The following SH3PXD2A variants were observed in gnomAD, a reference collection of about 807,000 sequenced individuals.
SH3PXD2A encodes SH3 and PX domains 2A, also known as SH3 and PX domain-containing protein 2A.
In SH3PXD2A, 32 loss-of-function variants were observed where a neutral mutation model predicts 115.2. The observed-to-expected ratio is 0.28, with a 90% CI of 0.21 to 0.37. The LOEUF (loss-of-function observed/expected upper bound fraction) is 0.37. Ranked by LOEUF, SH3PXD2A falls within the 10% of genes least tolerant of loss-of-function variation. SH3PXD2A has a pLI of 1.00. For missense variants in SH3PXD2A, 1,328 were observed against 1,498.7 expected, an observed-to-expected ratio of 0.89 and a Z score of 1.88; for synonymous variants, 610 against 629.1, an observed-to-expected ratio of 0.97 and a Z score of 0.45.
intron 1 of SH3PXD2A, among the ~76,000 whole-genome samples, chr10:103,850,055 C>T (rs1324803278): frequency 6.6e-6 from 1 of 152,206 alleles, no homozygotes; most frequent in East Asian, 1.9e-4. Flanking sequence ...CAGGGAACTG[C>T]TGTGCAAACC....
rs756260957 is a variant in SH3PXD2A, at chr10:103,595,556, C to A, written c.*6260G>T. 1.3e-5 allele frequency: 2 copies of A among 152,310 alleles called. No homozygotes were observed. The highest frequency in any genetic ancestry group is 2.9e-5 in the Non-Finnish European group (2 of 68,086). The allele number at this position is 152,310 out of a possible 1,614,324, so 9.4% of individuals were successfully genotyped here. On this transcript the variant is annotated 3_prime_UTR_variant, in exon 15 of 15. Transcript: ENST00000369774. ...AGCCATCCTTTTGTTCTAAATAATTCTTCCTCCCTCCCTCCCTTTTTTCTC... is the reference window on the plus strand; with the variant it reads ...AGCCATCCTTTTGTTCTAAATAATTATTCCTCCCTCCCTCCCTTTTTTCTC...
Position 103,668,668 on chromosome 10 carries a change from G to T in SH3PXD2A, c.428-16C>A. On this transcript the variant is annotated splice_polypyrimidine_tract_variant and intron_variant, in intron 6 of 14. Transcript: ENST00000369774. ...GACAGCCACACTTCCGAGTCCCCGA[G>T]AGCAAGCGGCAGCAGGAGAGGAGAA... The T allele has an allele frequency of 6.4e-7, 1 of 1,555,452 alleles. No individual in the cohort carries two copies. The highest frequency in any genetic ancestry group is 1.2e-5 in the South Asian group (1 of 84,208).
rs1564896496 is a variant in SH3PXD2A, at chr10:103,816,835, T to C, written c.73-15473A>G. Among the ~76,000 whole-genome samples, 8 of 152,228 alleles carry C rather than the reference T, an allele frequency of 5.3e-5. No homozygotes were observed. In the South Asian group the frequency reaches 1.7e-3, roughly 32 times the overall value. ...AATAAAATGTGACTTATCTATACAA[T>C]AGAATATTATTCTTTTTTTTGAGAC... is the stretch of plus-strand genomic sequence containing the variant. On this transcript the variant is annotated intron_variant, in intron 1 of 14. Coordinates refer to ENST00000369774, the MANE Select transcript of SH3PXD2A (RefSeq NM_001394015.1).
intron 11 of SH3PXD2A, among the ~76,000 whole-genome samples, chr10:103,613,562 TAAG>T: frequency 6.6e-6 from 1 of 152,284 alleles, no homozygotes; most frequent in Non-Finnish European, 1.5e-5. Context: ...ATTAGAGAGA[TAAG>T]AAGAAGGTGT....
At chr10:103,606,196 A>ATCT in intron 13 of SH3PXD2A, among the ~76,000 whole-genome samples, 1 of 150,722 alleles carries the variant, frequency 6.6e-6, no homozygotes, top group South Asian at 2.1e-4. Context: ...CATCATCATC[A>ATCT]TCATCATCAT....
chr10:103,716,891 G>C (rs1180473223), intron 5 of SH3PXD2A, among the ~76,000 whole-genome samples: 1 of 152,240 alleles, frequency 6.6e-6, no homozygotes, highest in East Asian at 1.9e-4. Flanking sequence ...ACGTGTGTAT[G>C]TATGTGGAGG....
chr10:103,661,582 A>G, intron 7 of SH3PXD2A: 1 of 883,492 alleles, frequency 1.1e-6, no homozygotes, highest in Non-Finnish European at 1.4e-6. Context: ...CTGAGGCCAG[A>G]GGCAAAGGAA....
chr10:103,626,870 C>A lies in SH3PXD2A; in HGVS notation c.718+219G>T, dbSNP rs536319259. Among the ~76,000 whole-genome samples the A allele has an allele frequency of 2.4e-3, 370 of 152,264 alleles. 3 individuals are homozygous for A. Among genetic ancestry groups the A allele is most frequent in the Non-Finnish European group, 4.1e-3 (276 of 68,012 alleles). On this transcript the variant is annotated intron_variant, in intron 9 of 14. Coordinates refer to ENST00000369774, the MANE Select transcript of SH3PXD2A (RefSeq NM_001394015.1). ...GAGGCTGACTGTGTAGGGGTCTGAG[C>A]CATCCCTCAGTTCCTGAGCCCCTGA...
chr10:103,811,599 G>T lies in SH3PXD2A; in HGVS notation c.73-10237C>A, dbSNP rs142430491. Among the ~76,000 whole-genome samples, 873 of 152,262 alleles carry T rather than the reference G, an allele frequency of 5.7e-3. 9 individuals are homozygous for T. The highest frequency in any genetic ancestry group is 0.02 in the African/African-American group (835 of 41,552). ...ATTCACTCTATATCCTGAACTCTTT[G>T]TCTTCTTTAATAACGACAGCAGACT... is the stretch of plus-strand genomic sequence containing the variant. On this transcript the variant is annotated intron_variant, in intron 1 of 14. Coordinates refer to ENST00000369774, the MANE Select transcript of SH3PXD2A (RefSeq NM_001394015.1).
At chr10:103,790,215 T>A (rs1447778926) in intron 2 of SH3PXD2A, among the ~76,000 whole-genome samples, 1 of 151,220 alleles carries the variant, frequency 6.6e-6, no homozygotes, top group Admixed American at 6.6e-5. Flanking sequence ...AGAGCAGTGG[T>A]GCGATCTCGG....
At chr10:103,775,795 G>T (rs2038871670) in intron 2 of SH3PXD2A, among the ~76,000 whole-genome samples, 1 of 152,176 alleles carries the variant, frequency 6.6e-6, no homozygotes, top group Non-Finnish European at 1.5e-5. Flanking sequence ...GGTAATTAGG[G>T]TGCCCTAAAG....
intron 2 of SH3PXD2A, among the ~76,000 whole-genome samples, chr10:103,768,646 G>C (rs187879988): frequency 6.6e-6 from 1 of 152,192 alleles, no homozygotes; most frequent in East Asian, 1.9e-4. Context: ...TAGCTACGGC[G>C]TAGGGAATGG....
At chr10:103,715,774 G>T (rs1285077509) in intron 5 of SH3PXD2A, among the ~76,000 whole-genome samples, 1 of 152,200 alleles carries the variant, frequency 6.6e-6, no homozygotes, top group Non-Finnish European at 1.5e-5. Context: ...CATTCGACTG[G>T]GATTGGGGAT....
chr10:103,680,539 AG>A (rs2037594781), intron 6 of SH3PXD2A, among the ~76,000 whole-genome samples: 1 of 152,138 alleles, frequency 6.6e-6, no homozygotes, highest in Non-Finnish European at 1.5e-5. Flanking sequence ...AGGTTCCCAA[AG>A]TGCTGGGATT....
At chr10:103,643,479 T>C (rs1325343164) in intron 8 of SH3PXD2A, among the ~76,000 whole-genome samples, 1 of 152,210 alleles carries the variant, frequency 6.6e-6, no homozygotes, top group Non-Finnish European at 1.5e-5. Context: ...TTCCTAGGTA[T>C]AGACGGGAGA....
At chr10:103,723,643 G>C (rs1318590713) in intron 5 of SH3PXD2A, among the ~76,000 whole-genome samples, 2 of 152,188 alleles carry the variant, frequency 1.3e-5, no homozygotes, top group Non-Finnish European at 2.9e-5. Flanking sequence ...TTCAGGTTTT[G>C]TCCTGTCTCC....
rs115492572 is a variant in SH3PXD2A at position 103,827,756 on chromosome 10, G to A, written c.73-26394C>T. Among the ~76,000 whole-genome samples, 304 of 152,242 alleles carry A rather than the reference G, an allele frequency of 2.0e-3. 3 individuals are homozygous for A. Among genetic ancestry groups the A allele is most frequent in the African/African-American group, 7.1e-3 (293 of 41,526 alleles). ...CTAGACTATGAGCTTTTGAAGGAGG[G>A]GCTATGCCATCTCTGCATAGTCCTC... On this transcript the variant is annotated intron_variant, in intron 1 of 14. Transcript: ENST00000369774.
intron 1 of SH3PXD2A, among the ~76,000 whole-genome samples, chr10:103,833,979 C>A (rs536779913): frequency 1.3e-5 from 2 of 152,256 alleles, no homozygotes; most frequent in African/African-American, 4.8e-5. Flanking sequence ...CCCTGGGGAA[C>A]AGATCAGTAA....
Position 103,656,008 on chromosome 10 carries a change from A to T in SH3PXD2A, c.604+4975T>A, listed in dbSNP as rs77048372. On this transcript the variant is annotated intron_variant, in intron 8 of 14. Transcript: ENST00000369774. Reference sequence around the variant, plus strand: ...TATACTTCATCCTTACAGAAAGCCCATGTAGTATGTATCACTAGCCCCTCT... The same window carrying T: ...TATACTTCATCCTTACAGAAAGCCCTTGTAGTATGTATCACTAGCCCCTCT... Among the ~76,000 whole-genome samples, 838 of 152,350 alleles carry T rather than the reference A, an allele frequency of 5.5e-3. 3 individuals are homozygous for T. Among genetic ancestry groups the T allele is most frequent in the Non-Finnish European group, 9.0e-3 (613 of 68,030 alleles).
Sources: gnomAD v4.1 joint callset for allele counts (sites outside exome capture counted in the v4.1 genomes callset) on GRCh38, gnomAD v4.1.1 for gene constraint, MANE v1.5 for transcripts, NCBI Gene and HGNC (gene_info 2026-07-23, HGNC 2026-07-21) for gene names.